Variants in CPEB4 observed in about 807,000 individuals in gnomAD.
The protein encoded by CPEB4 is cytoplasmic polyadenylation element-binding protein 4.
A neutral mutation model predicts 72.5 loss-of-function variants in CPEB4; 12 were observed. The observed-to-expected ratio is 0.17, with a 90% CI of 0.11 to 0.27. The LOEUF is 0.27. Among genes scored for constraint, CPEB4 ranks in the 10% least tolerant of loss-of-function variants. The probability of loss-of-function intolerance (pLI) is 1.00; values close to 1 mark genes in which losing one functional copy is unlikely to be tolerated. For synonymous variants in CPEB4, 302 were observed against 326.3 expected, an observed-to-expected ratio of 0.93 and a Z score of 0.80; for missense variants, 614 against 908.5, an observed-to-expected ratio of 0.68 and a Z score of 4.17.
At chr5:173,910,492 A>C (rs747307733) in intron 1 of CPEB4, 31 bp from the exon 2 acceptor site, 1 of 1,503,658 alleles carries the variant, frequency 6.7e-7, no homozygotes, top group Non-Finnish European at 9.2e-7. Context: ...TGCTATTTTA[A>C]AAAGTGGTTT....
intron 1 of CPEB4, among the ~76,000 whole-genome samples, chr5:173,905,016 T>TAAA (rs201844730): frequency 1.2e-3 from 95 of 79,496 alleles, no homozygotes; most frequent in African/African-American, 2.2e-3. Flanking sequence ...ATAATAATAA[T>TAAA]AAAAAAATGT....
intron 1 of CPEB4, among the ~76,000 whole-genome samples, chr5:173,896,785 C>A (rs1561604568): frequency 1.3e-5 from 2 of 152,166 alleles, no homozygotes; most frequent in African/African-American, 4.8e-5. Flanking sequence ...ACTGGCCGGG[C>A]ATGGTGGGTC....
At position 173,955,320 on chromosome 5, in the gene CPEB4, T is replaced by G. The variant is rs929352594; in HGVS notation, c.1963-590T>G. Among the ~76,000 whole-genome samples, 2 of 151,878 alleles carry G rather than the reference T, an allele frequency of 1.3e-5. No individual in the cohort carries two copies. Among genetic ancestry groups the G allele is most frequent in the African/African-American group, 4.8e-5 (2 of 41,368 alleles). On this transcript the variant is annotated intron_variant, in intron 9 of 9. Transcript: ENST00000265085. The surrounding 1 kb of genome is among the most constrained non-coding windows in gnomAD (Gnocchi z 4.7). Reference sequence around the variant, plus strand: ...AAGAACAAAGCAGGGTTTTAGACTGTGAATCCTATGGCTGCATCTTTTTTT... The same window carrying G: ...AAGAACAAAGCAGGGTTTTAGACTGGGAATCCTATGGCTGCATCTTTTTTT...
chr5:173,889,498 C>T lies in CPEB4; in HGVS notation c.-236C>T, dbSNP rs768109108. On this transcript the variant is annotated 5_prime_UTR_variant, in exon 1 of 10. Transcript: ENST00000265085. Reference sequence around the variant, plus strand: ...TTTTATTCCCTCCTAAAAATAAGCCCAATTGGATCCAAGTCAATGTTTTAA... The same window carrying T: ...TTTTATTCCCTCCTAAAAATAAGCCTAATTGGATCCAAGTCAATGTTTTAA... 5.0e-6 allele frequency: 2 copies of T among 403,954 alleles called. No homozygotes were observed. The highest frequency in any genetic ancestry group is 8.8e-6 in the Non-Finnish European group (2 of 226,656). The allele number at this position is 403,954 out of a possible 1,614,324, so 25.0% of individuals were successfully genotyped here. A position where few individuals can be genotyped will look rare whatever the true frequency, so the allele number is the denominator to read the frequency against.
chr5:173,926,865 T>C (rs1329635981), intron 2 of CPEB4, among the ~76,000 whole-genome samples: 1 of 152,212 alleles, frequency 6.6e-6, no homozygotes, highest in Non-Finnish European at 1.5e-5. Flanking sequence ...AGATGAGTTC[T>C]TGGCTGGGCA....
intron 1 of CPEB4, among the ~76,000 whole-genome samples, chr5:173,898,834 G>A (rs552717379): frequency 6.6e-6 from 1 of 152,270 alleles, no homozygotes; most frequent in Admixed American, 6.5e-5. Context: ...GTGCCACCAG[G>A]CCCATCTAAT....
chr5:173,899,689 A>G (rs1210125805), intron 1 of CPEB4, among the ~76,000 whole-genome samples: 1 of 152,208 alleles, frequency 6.6e-6, no homozygotes, highest in Non-Finnish European at 1.5e-5. Flanking sequence ...TGAGTGAGAG[A>G]ACAGGACAGG....
At chr5:173,948,062 G>A (rs1758090801) in intron 5 of CPEB4, among the ~76,000 whole-genome samples, 1 of 152,112 alleles carries the variant, frequency 6.6e-6, no homozygotes, top group Admixed American at 6.5e-5. Context: ...CAAAATAAAT[G>A]AGTGAATTGG....
At position 173,957,281 on chromosome 5, in the gene CPEB4, T is replaced by C. The variant is rs1458903573; in HGVS notation, c.*1144T>C. The C allele has an allele frequency of 6.5e-6, 1 of 152,764 alleles. No homozygotes were observed. The highest frequency in any genetic ancestry group is 1.5e-5 in the Non-Finnish European group (1 of 68,028). The allele number at this position is 152,764 out of a possible 1,614,324, so 9.5% of individuals were successfully genotyped here. The stretch of plus-strand genomic sequence containing the variant: ...TTTAGATTTAAAGTTACTTTGGGTA[T>C]CCTGTAATTTAGTTGTAACATAGAA... On this transcript the variant is annotated 3_prime_UTR_variant, in exon 10 of 10. Transcript: ENST00000265085.
chr5:173,892,337 A>G (rs1331936499), intron 1 of CPEB4, among the ~76,000 whole-genome samples: 1 of 128,212 alleles, frequency 7.8e-6, no homozygotes, highest in East Asian at 2.2e-4. Flanking sequence ...TTCAGTTGTT[A>G]AAACCAAAGA....
chr5:173,928,357 C>T (rs1353269359), intron 2 of CPEB4, among the ~76,000 whole-genome samples: 2 of 152,060 alleles, frequency 1.3e-5, no homozygotes, highest in Non-Finnish European at 2.9e-5. Flanking sequence ...CTATACCACT[C>T]TGGTCGGGAT....
intron 2 of CPEB4, among the ~76,000 whole-genome samples, chr5:173,922,695 T>G (rs1183208226): frequency 6.6e-6 from 1 of 152,262 alleles, no homozygotes; most frequent in East Asian, 1.9e-4. Context: ...TCCCTGATTC[T>G]GATTCACCAG....
At position 173,889,678 on chromosome 5, in the gene CPEB4, C is replaced by A; in HGVS notation, c.-56C>A. Reference sequence around the variant, plus strand: ...AATTTGGGGTAGAGGAAAAAAAAGGCGTGAGACATCAGGTTGTCATTTTTT... The same window carrying A: ...AATTTGGGGTAGAGGAAAAAAAAGGAGTGAGACATCAGGTTGTCATTTTTT... On this transcript the variant is annotated 5_prime_UTR_variant, in exon 1 of 10. Transcript: ENST00000265085. The A allele has an allele frequency of 7.0e-7, 1 of 1,438,034 alleles. No individual in the cohort carries two copies. Among genetic ancestry groups the A allele is most frequent in the Non-Finnish European group, 9.4e-7 (1 of 1,064,776 alleles). The allele number at this position is 1,438,034 out of a possible 1,614,324, so 89.1% of individuals were successfully genotyped here.
intron 4 of CPEB4, among the ~76,000 whole-genome samples, chr5:173,944,555 T>C (rs1215397823): frequency 6.6e-6 from 1 of 152,220 alleles, no homozygotes; most frequent in Non-Finnish European, 1.5e-5. Flanking sequence ...TTGTTTGATT[T>C]TTTTAAAGAA....
intron 1 of CPEB4, chr5:173,891,596 T>C (rs1755814781): frequency 6.6e-6 from 1 of 152,200 alleles, no homozygotes; most frequent in Admixed American, 6.5e-5. Context: ...TGTAGATAAT[T>C]AAACCATTCC....
At chr5:173,933,323 T>G (rs545159656) in intron 3 of CPEB4, among the ~76,000 whole-genome samples, 25 of 152,330 alleles carry the variant, frequency 1.6e-4, no homozygotes, top group African/African-American at 6.0e-4. Context: ...AAATAAAAAT[T>G]CTTCCACTCC....
At position 173,940,391 on chromosome 5, in the gene CPEB4, A is replaced by T. The variant is rs142935778; in HGVS notation, c.1259-2635A>T. ...TTTGAGAAACATCAAATAACAGGCAATACTTGCTAGTCATGAGATTGGAAA... is the reference window on the plus strand; with the variant it reads ...TTTGAGAAACATCAAATAACAGGCATTACTTGCTAGTCATGAGATTGGAAA... On this transcript the variant is annotated intron_variant, in intron 3 of 9. Coordinates refer to ENST00000265085, the MANE Select transcript of CPEB4 (RefSeq NM_030627.4). Among the ~76,000 whole-genome samples, 625 of 152,332 alleles carry T rather than the reference A, an allele frequency of 4.1e-3. 4 individuals carry two copies. The highest frequency in any genetic ancestry group is 0.014 in the African/African-American group (594 of 41,562).
At chr5:173,891,047 T>A (rs1423943129) in intron 1 of CPEB4, among the ~76,000 whole-genome samples, 189 bp downstream of exon 1, 1 of 151,716 alleles carries the variant, frequency 6.6e-6, no homozygotes, top group African/African-American at 2.4e-5. Context: ...TCTTTGGCAG[T>A]TTTCTAAATT....
chr5:173,943,700 A>G (rs1460420776), intron 4 of CPEB4, among the ~76,000 whole-genome samples: 1 of 152,180 alleles, frequency 6.6e-6, no homozygotes, highest in East Asian at 1.9e-4. Flanking sequence ...TTTTTTTAAG[A>G]TCATTCATGA....
Sources: gnomAD v4.1 joint callset for allele counts (sites outside exome capture counted in the v4.1 genomes callset) on GRCh38, gnomAD v4.1.1 for gene constraint, Gnocchi (gnomAD v3.1) non-coding constraint, MANE v1.5 for transcripts, NCBI Gene and HGNC (gene_info 2026-07-23, HGNC 2026-07-21) for gene names.